ERCC6: variants seen among roughly 807,000 people sequenced by gnomAD.
ERCC6 encodes the protein DNA excision repair protein ERCC-6.
ERCC6 carries 116 observed loss-of-function variants against 158.7 expected under a neutral mutation model. That is an observed-to-expected ratio of 0.73 (90% CI 0.63 to 0.85). ERCC6 has a LOEUF of 0.85. ERCC6 is among the 40% of genes least tolerant of loss of function. ERCC6 has a pLI of 0.00. For missense variants in ERCC6, 1,698 were observed against 1,799.4 expected (o/e 0.94, Z 1.02); for synonymous variants, 678 against 659.3 (o/e 1.03, Z -0.43).
At chr10:49,517,989 T>TA (rs1361234030) in intron 5 of ERCC6, among the ~76,000 whole-genome samples, 1 of 152,110 alleles carries the variant, frequency 6.6e-6, no homozygotes, top group South Asian at 2.1e-4. Context: ...ATTTGGGCTT[T>TA]AAAAAAAAGG....
At chr10:49,484,284 A>G (rs1034760316) in intron 8 of ERCC6, among the ~76,000 whole-genome samples, 2 of 146,310 alleles carry the variant, frequency 1.4e-5, no homozygotes, top group Non-Finnish European at 2.9e-5. Context: ...GCCTCAAAAA[A>G]AAAAAAAGAA....
At chr10:49,464,502 C>G (rs377278906) in intron 18 of ERCC6, among the ~76,000 whole-genome samples, 41 of 152,346 alleles carry the variant, frequency 2.7e-4, no homozygotes, top group African/African-American at 8.7e-4. Flanking sequence ...CATTACGTAA[C>G]GAGGAGCCAA....
At chr10:49,505,122 T>G (rs2132581205) in intron 6 of ERCC6, 1 of 152,264 alleles carries the variant, frequency 6.6e-6, no homozygotes, top group East Asian at 1.9e-4. Flanking sequence ...ATGGTTTAAC[T>G]TCCTATATGC....
At chr10:49,508,274 G>C (rs557177818) in intron 5 of ERCC6, among the ~76,000 whole-genome samples, 3 of 152,266 alleles carry the variant, frequency 2.0e-5, no homozygotes, top group African/African-American at 4.8e-5. Flanking sequence ...TTTATATACA[G>C]GGTATCACTT....
chr10:49,441,640 G>A, the ERCC6 span, among the ~76,000 whole-genome samples: 4 of 152,162 alleles, frequency 2.6e-5, no homozygotes, highest in Non-Finnish European at 5.9e-5. Flanking sequence ...TCCGCAGGTG[G>A]GGTGCTGTAT....
Position 49,524,040 on chromosome 10 carries a change from G to A in ERCC6, c.1390C>T (p.Arg464Trp), listed in dbSNP as rs375995821. ...TAATCCCCACAGACCGACCTTAACC[G>A]CTGCTTATAATAATCTTCATCTCCA... ...DDGDEDYYKQ[R>W]LRRWNKLRLQ... Residue 464 changes from arginine (R) to tryptophan (W), a missense_variant, in exon 5 of 21, where the codon CGG becomes TGG. Arg to Trp is a moderately radical substitution (Grantham distance 101). Coordinates refer to ENST00000355832, the MANE Select transcript of ERCC6 (RefSeq NM_000124.4). 6.6e-5 allele frequency: 106 copies of A among 1,613,010 alleles called. No individual in the cohort carries two copies. Among genetic ancestry groups the A allele is most frequent in the Non-Finnish European group, 8.2e-5 (97 of 1,179,972 alleles).
At chr10:49,506,221 A>G in intron 5 of ERCC6, 2 of 592,358 alleles carry the variant, frequency 3.4e-6, no homozygotes, top group Non-Finnish European at 5.9e-6. Flanking sequence ...GTAAATTATT[A>G]TAGCTGCTCT....
intron 4 of ERCC6, among the ~76,000 whole-genome samples, chr10:49,527,462 G>A (rs1281865348): frequency 6.6e-6 from 1 of 152,184 alleles, no homozygotes; most frequent in Non-Finnish European, 1.5e-5. Context: ...ATCACCTGAC[G>A]TCAGGAGTTC....
chr10:49,481,231 A>C lies in ERCC6; in HGVS notation c.2169+1456T>G, dbSNP rs148463831. On this transcript the variant is annotated intron_variant, in intron 10 of 20. Transcript: ENST00000355832. ...GTGGCAAAATGTTTGCAAAATGCTA[A>C]CAATCAGTGAATCTGGGTGAAGTGT... 1.1e-3 allele frequency among the ~76,000 whole-genome samples: 169 copies of C among 152,336 alleles called. 1 individual carries two copies. Among genetic ancestry groups the C allele is most frequent in the African/African-American group, 3.9e-3 (162 of 41,580 alleles).
intron 5 of ERCC6, among the ~76,000 whole-genome samples, chr10:49,517,460 A>G (rs1253278330): frequency 6.6e-6 from 1 of 152,186 alleles, no homozygotes; most frequent in Non-Finnish European, 1.5e-5. Context: ...GGAGGCAGAC[A>G]TGTGTGAAAA....
chr10:49,461,693 A>G, intron 18 of ERCC6, 137 bp from the exon 19 acceptor site: 1 of 830,748 alleles, frequency 1.2e-6, no homozygotes. Context: ...AGAATCAATG[A>G]TAAAAAATAG....
Position 49,470,406 on chromosome 10 carries a change from G to T in ERCC6, c.3554C>A (p.Thr1185Lys). The T allele has an allele frequency of 5.6e-6, 9 of 1,614,052 alleles. No homozygotes were observed. Among genetic ancestry groups the T allele is most frequent in the Non-Finnish European group, 7.6e-6 (9 of 1,180,000 alleles). The change falls in exon 18 of 21, where the codon ACA (threonine) becomes AAA (lysine). Residue 1185 changes from threonine to lysine, a missense_variant. Thr to Lys is a moderately conservative substitution (Grantham distance 78). Transcript: ENST00000355832. ...ENNFYKHKSK[T>K]KHHSVAEEET... ...TTCTTCTGCCACACTATGATGTTTT[G>T]TTTTTGACTTGTGCTTATAAAAATT...
intron 12 of ERCC6, chr10:49,475,280 TG>T (rs1446609084): frequency 3.2e-6 from 1 of 315,156 alleles, no homozygotes; most frequent in Non-Finnish European, 6.3e-6. Flanking sequence ...CATATTAAAA[TG>T]TATTTTAGAT....
chr10:49,470,126 A>G, intron 18 of ERCC6, 56 bp downstream of exon 18: 1 of 1,488,726 alleles, frequency 6.7e-7, no homozygotes, highest in Non-Finnish European at 9.4e-7. Flanking sequence ...TGCTAGAAAC[A>G]GCCTACTCAT....
intron 6 of ERCC6, chr10:49,503,329 T>C (rs1253313126): frequency 6.6e-6 from 1 of 152,192 alleles, no homozygotes; most frequent in East Asian, 1.9e-4. Flanking sequence ...ACAAATCTAA[T>C]CTTCGACGGC....
At chr10:49,472,652 C>T (rs967147230) in intron 15 of ERCC6, 182 bp from the exon 16 acceptor site, 3 of 744,206 alleles carry the variant, frequency 4.0e-6, no homozygotes, top group Admixed American at 2.4e-5. Flanking sequence ...GACATCTCTA[C>T]TTGAAAAAAT....
intron 6 of ERCC6, chr10:49,505,526 A>C: frequency 5.3e-6 from 1 of 188,294 alleles, no homozygotes; most frequent in Non-Finnish European, 1.1e-5. Context: ...TTTAATATGC[A>C]ACTCTTCCTA....
intron 5 of ERCC6, among the ~76,000 whole-genome samples, chr10:49,508,874 G>A (rs1232335719): frequency 6.6e-6 from 1 of 152,112 alleles, no homozygotes; most frequent in Admixed American, 6.5e-5. Context: ...ACAGAAACGT[G>A]CCTTCCTCAT....
chr10:49,447,558 G>A, the ERCC6 span, among the ~76,000 whole-genome samples: 1 of 152,060 alleles, frequency 6.6e-6, no homozygotes, highest in Non-Finnish European at 1.5e-5. Flanking sequence ...GGGCATAGTG[G>A]CGGGCACCTG....
Sources: allele counts gnomAD v4.1 joint callset (sites outside exome capture counted in the v4.1 genomes callset), GRCh38; gene constraint gnomAD v4.1.1; transcripts MANE v1.5; gene names NCBI Gene and HGNC (gene_info 2026-07-23, HGNC 2026-07-21).